Variants in MYO1B observed in about 807,000 individuals in gnomAD.
MYO1B encodes the protein myosin IB, also known as unconventional myosin-Ib.
In MYO1B, 72 loss-of-function variants were observed where a neutral mutation model predicts 159.7. That is an observed-to-expected ratio of 0.45 (90% confidence interval 0.37 to 0.55). The LOEUF is 0.55. Ranked by LOEUF, MYO1B falls within the 20% of genes least tolerant of loss-of-function variation. The pLI, the probability that MYO1B is intolerant of heterozygous loss-of-function variation, is 0.00. For missense variants in MYO1B, 1,062 were observed against 1,364.8 expected (o/e 0.78, Z 3.50); for synonymous variants, 468 against 473.8 (o/e 0.99, Z 0.16).
chr2:191,386,464 A>T (rs1410088640), intron 16 of MYO1B, among the ~76,000 whole-genome samples: 1 of 152,198 alleles, frequency 6.6e-6, no homozygotes, highest in African/African-American at 2.4e-5. Flanking sequence ...AGCAAAAATA[A>T]TGAATTATTT....
At chr2:191,397,531 T>A (rs1462950093) in intron 21 of MYO1B, among the ~76,000 whole-genome samples, 1 of 151,850 alleles carries the variant, frequency 6.6e-6, no homozygotes, top group Admixed American at 6.6e-5. Context: ...ATCAACAGGA[T>A]CCCAAGGCAG....
chr2:191,382,560 G>A (rs566786812), intron 14 of MYO1B, among the ~76,000 whole-genome samples: 45 of 152,300 alleles, frequency 3.0e-4, no homozygotes, highest in African/African-American at 1.1e-3. Flanking sequence ...ACTTAAAACA[G>A]TTTATACAGA....
chr2:191,393,300 G>A, intron 20 of MYO1B, 78 bp downstream of exon 20: 1 of 1,456,700 alleles, frequency 6.9e-7, no homozygotes, highest in Non-Finnish European at 9.4e-7. Flanking sequence ...CCATGTATGT[G>A]ATTTTTACAT....
chr2:191,295,955 C>A (rs1688957575), intron 2 of MYO1B, among the ~76,000 whole-genome samples, 156 bp from the exon 3 acceptor site: 1 of 152,152 alleles, frequency 6.6e-6, no homozygotes, highest in Non-Finnish European at 1.5e-5. Context: ...CATCTGTCTT[C>A]AGAGATGCAA....
intron 1 of MYO1B, among the ~76,000 whole-genome samples, chr2:191,256,946 A>C (rs1686489300): frequency 6.6e-6 from 1 of 150,934 alleles, no homozygotes; most frequent in African/African-American, 2.4e-5. Context: ...TTTTCTGTGA[A>C]TTTTTTTTTT....
At chr2:191,294,838 A>T (rs1438709005) in intron 2 of MYO1B, among the ~76,000 whole-genome samples, 1 of 152,058 alleles carries the variant, frequency 6.6e-6, no homozygotes, top group African/African-American at 2.4e-5. Context: ...AGTTGGGAGA[A>T]AGTCCTTCAT....
At chr2:191,278,990 C>T (rs1304632364) in intron 2 of MYO1B, among the ~76,000 whole-genome samples, 1 of 152,150 alleles carries the variant, frequency 6.6e-6, no homozygotes, top group East Asian at 1.9e-4. Flanking sequence ...ATTCAAATAC[C>T]TGATTTGTTG....
At chr2:191,413,206 TATC>T (rs1284064222) in intron 27 of MYO1B, among the ~76,000 whole-genome samples, 4 of 152,136 alleles carry the variant, frequency 2.6e-5, no homozygotes, top group Non-Finnish European at 5.9e-5. Context: ...AAGTTGAAAA[TATC>T]ATAAGTTGAA....
intron 2 of MYO1B, among the ~76,000 whole-genome samples, chr2:191,292,004 G>A (rs1688715815): frequency 6.6e-6 from 1 of 152,092 alleles, no homozygotes; most frequent in Admixed American, 6.5e-5. Flanking sequence ...GGCCCATGTA[G>A]GAATATTTAA....
chr2:191,298,059 A>G (rs1689089128), intron 3 of MYO1B, among the ~76,000 whole-genome samples: 1 of 152,238 alleles, frequency 6.6e-6, no homozygotes, highest in Non-Finnish European at 1.5e-5. Flanking sequence ...ATTAATTTTG[A>G]CAGAACATAA....
intron 3 of MYO1B, among the ~76,000 whole-genome samples, chr2:191,312,461 C>T (rs979650484): frequency 2.6e-5 from 4 of 152,242 alleles, no homozygotes. Flanking sequence ...ATTGTGCATT[C>T]TGTCACAACC....
At chr2:191,349,851 T>C (rs767212071) in intron 6 of MYO1B, among the ~76,000 whole-genome samples, 2 of 152,254 alleles carry the variant, frequency 1.3e-5, no homozygotes, top group African/African-American at 4.8e-5. Flanking sequence ...TCTTCTGTTT[T>C]TATTTTTGAA....
chr2:191,365,133 A>G (rs988569333), intron 11 of MYO1B, among the ~76,000 whole-genome samples: 5 of 152,158 alleles, frequency 3.3e-5, no homozygotes, highest in Non-Finnish European at 7.4e-5. Context: ...GTGCATGTAT[A>G]CCCAGGCAGC....
intron 13 of MYO1B, among the ~76,000 whole-genome samples, chr2:191,375,667 T>C (rs1359044904): frequency 1.3e-5 from 2 of 152,102 alleles, no homozygotes; most frequent in African/African-American, 2.4e-5. Context: ...TTTTCAGTTA[T>C]AAGAATGTCC....
rs140255174 is a variant in MYO1B at position 191,302,559 on chromosome 2, C to G, written c.251+6333C>G. Among the ~76,000 whole-genome samples the G allele has an allele frequency of 7.3e-4, 111 of 152,188 alleles. 1 individual carries two copies. The highest frequency in any genetic ancestry group is 3.4e-3 in the Middle Eastern group (1 of 294). ...CAACTCTTAAGTATTTGTTCAGCTTCGATTTGTTCATGTTGTCTGTATGTC... is the reference window on the plus strand; with the variant it reads ...CAACTCTTAAGTATTTGTTCAGCTTGGATTTGTTCATGTTGTCTGTATGTC... On this transcript the variant is annotated intron_variant, in intron 3 of 30. Coordinates refer to ENST00000392318, the MANE Select transcript of MYO1B (RefSeq NM_001130158.3).
In MYO1B at chr2:191,398,369, G is replaced by A. The variant is rs1696318484; in HGVS notation, c.2295+1872G>A. Among the ~76,000 whole-genome samples the A allele has an allele frequency of 1.5e-5, 2 of 130,844 alleles. 1 individual carries two copies. The highest frequency in any genetic ancestry group is 5.5e-5 in the African/African-American group (2 of 36,496). The allele number at this position is 130,844 out of a possible 152,430, so 85.8% of individuals were successfully genotyped here. Reference sequence around the variant, plus strand: ...TCCTCACTTCCCAGTAGGGGCGGCTGGGCAGAGGAGCCCCTCACCTCCCGG... The same window carrying A: ...TCCTCACTTCCCAGTAGGGGCGGCTAGGCAGAGGAGCCCCTCACCTCCCGG... On this transcript the variant is annotated intron_variant, in intron 21 of 30. Coordinates refer to ENST00000392318, the MANE Select transcript of MYO1B (RefSeq NM_001130158.3).
At chr2:191,362,601 A>T (rs1693742165) in intron 9 of MYO1B, among the ~76,000 whole-genome samples, 1 of 152,196 alleles carries the variant, frequency 6.6e-6, no homozygotes, top group African/African-American at 2.4e-5. Flanking sequence ...ATTTATCATA[A>T]GGAGCTTTCT....
chr2:191,356,068 A>G (rs1480936564), intron 7 of MYO1B, among the ~76,000 whole-genome samples: 2 of 152,068 alleles, frequency 1.3e-5, no homozygotes, highest in African/African-American at 2.4e-5. Flanking sequence ...TCTTCCTTTT[A>G]TATCATATAT....
intron 7 of MYO1B, among the ~76,000 whole-genome samples, chr2:191,353,261 T>C (rs1693038006): frequency 6.6e-6 from 1 of 152,174 alleles, no homozygotes; most frequent in Non-Finnish European, 1.5e-5. Flanking sequence ...TTTGTTAAGG[T>C]TTGTTGGTCT....
Sources: gnomAD v4.1 joint callset for allele counts (sites outside exome capture counted in the v4.1 genomes callset) on GRCh38, gnomAD v4.1.1 for gene constraint, MANE v1.5 for transcripts, NCBI Gene and HGNC (gene_info 2026-07-23, HGNC 2026-07-21) for gene names.